LTBR: variants seen among roughly 807,000 people sequenced by gnomAD.
LTBR encodes tumor necrosis factor receptor superfamily member 3.
In LTBR, 15 loss-of-function variants were observed where a neutral mutation model predicts 45.4. The observed-to-expected ratio is 0.33, with a 90% CI of 0.22 to 0.51. LTBR has a LOEUF of 0.51. LTBR is among the 20% of genes least tolerant of loss of function. LTBR has a pLI of 0.97. For synonymous variants in LTBR, 228 were observed against 231.0 expected (o/e 0.99, Z 0.12); for missense variants, 450 against 565.5 (o/e 0.80, Z 2.07).
rs1949017050 is a variant in LTBR, at chr12:6,384,570, C to T, written c.97-18C>T. On this transcript the variant is annotated intron_variant, in intron 1 of 9. Transcript: ENST00000228918. ...CCCTGACTAATTCTTCTCTCCTCTT[C>T]TCCATCTCCCTTTGAAGGTGCCTCC... 1.9e-6 allele frequency: 3 copies of T among 1,612,584 alleles called. No individual in the cohort carries two copies. The highest frequency in any genetic ancestry group is 2.5e-6 in the Non-Finnish European group (3 of 1,178,520).
At chr12:6,385,778 C>A (rs1006452238) in intron 4 of LTBR, 5 of 203,246 alleles carry the variant, frequency 2.5e-5, no homozygotes, top group Non-Finnish European at 4.0e-5. Context: ...TGGTGGTGGG[C>A]GCCTGTATCC....
chr12:6,388,481 C>T lies in LTBR; in HGVS notation c.751C>T (p.His251Tyr). The change falls in exon 7 of 10, where the codon CAC (histidine) becomes TAC (tyrosine). Residue 251 changes from histidine (H) to tyrosine (Y), a missense_variant. By Grantham distance (83) the His-to-Tyr change is moderately conservative (BLOSUM62 2). This residue lies in a region of LTBR where 367 missense variants were observed against 435.4 expected (regional missense o/e 0.84). Coordinates refer to ENST00000228918, the MANE Select transcript of LTBR (RefSeq NM_002342.3). The surrounding 1 kb of genome is among the most constrained non-coding windows in gnomAD (Gnocchi z 4.3). ...ATVFSCIWKSHPSLCRKLGSL... is the reference protein window; with the variant it reads ...ATVFSCIWKSYPSLCRKLGSL... ...CGTCTTCTCCTGCATCTGGAAGAGC[C>T]ACCCTTCTCTCTGCAGGAAACTGGG... 6.2e-7 allele frequency: 1 copy of T among 1,614,054 alleles called. No homozygotes were observed. Among genetic ancestry groups the T allele is most frequent in the Non-Finnish European group, 8.5e-7 (1 of 1,179,986 alleles).
chr12:6,390,303 G>T lies in LTBR; in HGVS notation c.993G>T (p.Pro331=). 6.2e-7 allele frequency: 1 copy of T among 1,611,732 alleles called. No homozygotes were observed. The highest frequency in any genetic ancestry group is 1.1e-5 in the South Asian group (1 of 90,986). The part of the protein sequence containing the change: ...QQSPLDLTRE[P]QLEPGEQSQV... Reference sequence around the variant, plus strand: ...GTCCTCTGGACCTGACCAGGGAGCCGCAGTTGGAACCCGGGGAGCAGAGCC... The same window carrying T: ...GTCCTCTGGACCTGACCAGGGAGCCTCAGTTGGAACCCGGGGAGCAGAGCC... Residue 331 remains proline, a synonymous_variant, in exon 9 of 10, where the codon CCG becomes CCT. Coordinates refer to ENST00000228918, the MANE Select transcript of LTBR (RefSeq NM_002342.3).
Position 6,385,308 on chromosome 12 carries a change from C to G in LTBR, c.401C>G (p.Ala134Gly). 1.1e-5 allele frequency: 18 copies of G among 1,614,114 alleles called. No homozygotes were observed. Among genetic ancestry groups the G allele is most frequent in the Non-Finnish European group, 1.1e-5 (13 of 1,180,018 alleles). The part of the protein sequence containing the change: ...CRCQPGMFCA[A>G]WALECTHCEL... ...TGCCAGCCGGGAATGTTCTGTGCTG[C>G]CTGGGCCCTCGAGTGTACACACTGC... The change falls in exon 4 of 10, where the codon GCC (alanine) becomes GGC (glycine). Residue 134 changes from alanine (A) to glycine (G), a missense_variant. Ala to Gly is a moderately conservative substitution (Grantham distance 60). Around this residue, in one of 3 missense-constraint regions of LTBR, gnomAD observed 367 missense variants for 435.4 expected, o/e 0.84. Coordinates refer to ENST00000228918, the MANE Select transcript of LTBR (RefSeq NM_002342.3).
intron 6 of LTBR, chr12:6,387,662 A>G (rs1331298790): frequency 7.9e-6 from 2 of 254,242 alleles, no homozygotes; most frequent in Non-Finnish European, 1.6e-5. Context: ...GCCCTTCCCC[A>G]GGCGTAGCTG....
At position 6,388,592 on chromosome 12, in the gene LTBR, C is replaced by T. The variant is rs192019369; in HGVS notation, c.775+87C>T. ...CTTCCCCGGTGCAACCCTCCACACC[C>T]TCAAGACTCCCAATGCCTACCCCCA... On this transcript the variant is annotated intron_variant, in intron 7 of 9. Transcript: ENST00000228918. This position sits in a 1 kb window ranked among gnomAD's most constrained non-coding sequence, Gnocchi z 4.3. 2.4e-4 allele frequency: 297 copies of T among 1,216,666 alleles called. 2 individuals are homozygous for T. The East Asian group carries it at 6.7e-3, about 27-fold the overall frequency. 75.4% of individuals were successfully genotyped at this position (1,216,666 alleles called of 1,614,324 possible).
chr12:6,385,900 G>A (rs1457611643), intron 4 of LTBR, 166 bp from the exon 5 acceptor site: 11 of 387,210 alleles, frequency 2.8e-5, no homozygotes, highest in African/African-American at 5.6e-5. Flanking sequence ...GCAAGACTCC[G>A]TCTCAAAAAA....
intron 2 of LTBR, 59 bp from the exon 3 acceptor site, chr12:6,384,963 A>T: frequency 6.2e-7 from 1 of 1,605,432 alleles, no homozygotes; most frequent in Middle Eastern, 1.8e-4. Context: ...CACTACAGGC[A>T]GCGGAGGTGA....
chr12:6,376,242 G>C (rs1948906509), intron 1 of LTBR: 3 of 958,796 alleles, frequency 3.1e-6, no homozygotes, highest in Non-Finnish European at 3.7e-6. Flanking sequence ...CTTTCCTGCT[G>C]ATTCCTCGCC....
At chr12:6,375,300 C>T (rs989367229), upstream of LTBR, 3 of 1,438,700 alleles carry the variant, frequency 2.1e-6, no homozygotes, top group Middle Eastern at 2.5e-4. Context: ...CTCTCCCCCC[C>T]TTGCCTTGCC....
chr12:6,375,726 C>T (rs72645142), intron 1 of LTBR: 18 of 1,422,132 alleles, frequency 1.3e-5, no homozygotes, highest in South Asian at 8.9e-5. Flanking sequence ...GGGCTTTAGA[C>T]GCAGACAGGC....
intron 1 of LTBR, chr12:6,377,311 C>G (rs1948928738): frequency 6.6e-7 from 1 of 1,517,160 alleles, no homozygotes; most frequent in East Asian, 2.5e-5. Context: ...CTTCATTGTC[C>G]TAATGAAGAA....
At chr12:6,375,950 G>A (rs1295972886) in intron 1 of LTBR, 1 of 1,056,716 alleles carries the variant, frequency 9.5e-7, no homozygotes, top group East Asian at 7.2e-5. Flanking sequence ...GAGGGGCACT[G>A]AGTGAGTAGA....
chr12:6,389,533 C>T (rs1013457367), intron 8 of LTBR: 3 of 154,740 alleles, frequency 1.9e-5, no homozygotes, highest in African/African-American at 7.2e-5. Context: ...ACATGCCGAT[C>T]CATGATACAT....
At chr12:6,375,845 C>G in intron 1 of LTBR, 1 of 1,329,264 alleles carries the variant, frequency 7.5e-7, no homozygotes, top group Non-Finnish European at 9.6e-7. Context: ...GCCAGCCAGG[C>G]TGAGAGGGCC....
At position 6,388,621 on chromosome 12, in the gene LTBR, T is replaced by C; in HGVS notation, c.775+116T>C. The C allele has an allele frequency of 9.2e-7, 1 of 1,092,202 alleles. No individual in the cohort carries two copies. Among genetic ancestry groups the C allele is most frequent in the African/African-American group, 1.5e-5 (1 of 64,870 alleles). 67.7% of individuals were successfully genotyped at this position (1,092,202 alleles called of 1,614,324 possible). A position where few individuals can be genotyped will look rare whatever the true frequency, so the allele number is the denominator to read the frequency against. On this transcript the variant is annotated intron_variant, in intron 7 of 9. Coordinates refer to ENST00000228918, the MANE Select transcript of LTBR (RefSeq NM_002342.3). This position sits in a 1 kb window ranked among gnomAD's most constrained non-coding sequence, Gnocchi z 4.3. The stretch of plus-strand genomic sequence containing the variant: ...AGACTCCCAATGCCTACCCCCAACA[T>C]AGACATCCTTATCTTCATCCAGCTG...
Position 6,386,437 on chromosome 12 carries a change from G to A in LTBR, c.660G>A (p.Glu220=). The stretch of plus-strand genomic sequence containing the variant: ...ATCCATTAGAGCCACTGCCCCCAGA[G>A]ATGTCAGGTGAGGGACCAGGGCTGA... ...CKNPLEPLPP[E]MSGTMLMLAV... is the part of the protein sequence containing the mutation. Residue 220 remains glutamate, a synonymous_variant, in exon 6 of 10, where the codon GAG becomes GAA. Coordinates refer to ENST00000228918, the MANE Select transcript of LTBR (RefSeq NM_002342.3). The surrounding 1 kb of genome is among the most constrained non-coding windows in gnomAD (Gnocchi z 4.1). 6.2e-7 allele frequency: 1 copy of A among 1,609,758 alleles called. No individual in the cohort carries two copies. Among genetic ancestry groups the A allele is most frequent in the Non-Finnish European group, 8.5e-7 (1 of 1,178,726 alleles).
chr12:6,385,049 G>A lies in LTBR; in HGVS notation c.221G>A (p.Arg74His), dbSNP rs748505384. The A allele has an allele frequency of 4.4e-5, 71 of 1,614,064 alleles. No homozygotes were observed. Among genetic ancestry groups the A allele is most frequent in the Admixed American group, 1.5e-4 (9 of 60,002 alleles). The change falls in exon 3 of 10, where the codon CGC (arginine) becomes CAC (histidine). Residue 74 changes from arginine to histidine, a missense_variant. Physicochemically the swap from Arg to His is conservative, Grantham distance 29. This residue lies in a region of LTBR where 367 missense variants were observed against 435.4 expected (regional missense o/e 0.84). Coordinates refer to ENST00000228918, the MANE Select transcript of LTBR (RefSeq NM_002342.3). ...PGTYVSAKCS[R>H]IRDTVCATCA... ...ACCTATGTCTCAGCTAAATGTAGCCGCATCCGGGACACAGTTTGTGCCACA... is the reference window on the plus strand; with the variant it reads ...ACCTATGTCTCAGCTAAATGTAGCCACATCCGGGACACAGTTTGTGCCACA...
At chr12:6,385,416 G>A in intron 4 of LTBR, 37 bp downstream of exon 4, 1 of 1,609,870 alleles carries the variant, frequency 6.2e-7, no homozygotes, top group Non-Finnish European at 8.5e-7. Flanking sequence ...TGAAAAGGAG[G>A]CTGGGTGCCA....
Sources: gnomAD v4.1 joint callset for allele counts on GRCh38, gnomAD v4.1.1 for gene constraint, gnomAD v4.1.1 regional missense constraint, Gnocchi (gnomAD v3.1) non-coding constraint, MANE v1.5 for transcripts, NCBI Gene and HGNC (gene_info 2026-07-23, HGNC 2026-07-21) for gene names.